DNAJC21: variants seen among roughly 807,000 people sequenced by gnomAD.
The protein encoded by DNAJC21 is DnaJ heat shock protein family (Hsp40) member C21.
Under a neutral mutation model 72.4 loss-of-function variants are expected in DNAJC21, and 63 were observed. The ratio of observed to expected loss-of-function variants is 0.87; its 90% CI spans 0.71 to 1.07. The LOEUF (loss-of-function observed/expected upper bound fraction) is 1.07, where lower values mean the gene tolerates loss of function less well. Among genes scored for constraint, DNAJC21 ranks in the 50% least tolerant of loss-of-function variants. The pLI is 0.00. For synonymous variants in DNAJC21, 203 were observed against 216.7 expected, an observed-to-expected ratio of 0.94 and a Z score of 0.56; for missense variants, 634 against 644.8, an observed-to-expected ratio of 0.98 and a Z score of 0.18.
At chr5:34,937,249 T>C in intron 4 of DNAJC21, 77 bp from the exon 5 acceptor site, 1 of 1,422,816 alleles carries the variant, frequency 7.0e-7, no homozygotes, top group Admixed American at 2.3e-5. Flanking sequence ...AAAAGATGTT[T>C]CGCATCAGTA....
chr5:34,930,252 AGACCTGC>A (rs1240502844), intron 1 of DNAJC21: 1 of 176,384 alleles, frequency 5.7e-6, no homozygotes, highest in African/African-American at 2.4e-5. Context: ...CTCGGAACTC[AGACCTGC>A]CCCAGGCTTG....
intron 1 of DNAJC21, chr5:34,930,458 T>TTC (rs1764552560): frequency 6.6e-6 from 1 of 152,130 alleles, no homozygotes. Context: ...GTTTTTTTTT[T>TTC]CTTTTAATAA....
At chr5:34,941,532 A>G (rs1345960579) in intron 7 of DNAJC21, among the ~76,000 whole-genome samples, 1 of 150,050 alleles carries the variant, frequency 6.7e-6, no homozygotes, top group Non-Finnish European at 1.5e-5. Flanking sequence ...TAAAAGGAGT[A>G]AGTTTAGTAT....
intron 10 of DNAJC21, chr5:34,950,644 AAC>A (rs1409618400): frequency 3.9e-6 from 4 of 1,028,660 alleles, no homozygotes; most frequent in East Asian, 8.7e-5. Context: ...GTGGATCATT[AAC>A]ACTTGACACT....
At chr5:34,932,687 C>T (rs1030034396) in intron 1 of DNAJC21, among the ~76,000 whole-genome samples, 11 of 152,186 alleles carry the variant, frequency 7.2e-5, no homozygotes, top group Non-Finnish European at 1.5e-4. Flanking sequence ...CTCACCAGCT[C>T]ACCAACCACC....
intron 9 of DNAJC21, among the ~76,000 whole-genome samples, chr5:34,947,654 A>ATTTTTTTTTTTTTTTTTTTTTTTT (rs1328671559): frequency 9.7e-6 from 1 of 103,414 alleles, no homozygotes; most frequent in Non-Finnish European, 2.2e-5. Flanking sequence ...AGTTTTCACC[A>ATTTTTTTTTTTTTTTTTTTTTTTT]TGTTTTTTTT....
chr5:34,950,558 G>T (rs1765329527), intron 10 of DNAJC21: 14 of 1,172,890 alleles, frequency 1.2e-5, no homozygotes, highest in Non-Finnish European at 1.4e-5. Context: ...CATCTCAGCA[G>T]CATGGCCAAA....
chr5:34,938,389 A>G (rs948889745), intron 5 of DNAJC21, among the ~76,000 whole-genome samples: 7 of 152,162 alleles, frequency 4.6e-5, no homozygotes, highest in Non-Finnish European at 1.0e-4. Context: ...TGCTTTAGCC[A>G]CCGTGCAGTA....
chr5:34,947,894 G>A (rs532805129), intron 9 of DNAJC21, among the ~76,000 whole-genome samples: 2 of 151,834 alleles, frequency 1.3e-5, no homozygotes, highest in Admixed American at 6.6e-5. Context: ...GCTAGTTATA[G>A]TTCATAATCA....
Position 34,929,729 on chromosome 5 carries a change from C to A in DNAJC21, c.-91C>A. On this transcript the variant is annotated 5_prime_UTR_variant, in exon 1 of 12. The change creates a new upstream start codon in the 5' untranslated region. Transcript: ENST00000648817. ...GGCGGCGGACTCCCGCCGGAGAGGACTGCCAGCGCCGCCGCCGCCGCCGCT... is the reference window on the plus strand; with the variant it reads ...GGCGGCGGACTCCCGCCGGAGAGGAATGCCAGCGCCGCCGCCGCCGCCGCT... 1 of 537,744 alleles carries A rather than the reference C, an allele frequency of 1.9e-6. No individual in the cohort carries two copies. The highest frequency in any genetic ancestry group is 1.5e-4 in the East Asian group (1 of 6,750). The allele number at this position is 537,744 out of a possible 1,614,324, so 33.3% of individuals were successfully genotyped here.
chr5:34,937,791 C>G (rs1390056310), intron 5 of DNAJC21, among the ~76,000 whole-genome samples, 161 bp downstream of exon 5: 1 of 152,058 alleles, frequency 6.6e-6, no homozygotes, highest in Non-Finnish European at 1.5e-5. Context: ...TTTTCATCTA[C>G]TGTGTAAAAA....
rs186236369 is a variant in DNAJC21, at chr5:34,954,367, C to T, written c.1435-186C>T. ...AAGTCTCAGGACCCTTAAAGTTAAT[C>T]GTGTTGATTAGTGGGATTTAACCTC... is the stretch of plus-strand genomic sequence containing the variant. On this transcript the variant is annotated intron_variant, in intron 11 of 11. Transcript: ENST00000648817. 1.3e-3 allele frequency among the ~76,000 whole-genome samples: 203 copies of T among 152,234 alleles called. 2 individuals are homozygous for T. The highest frequency in any genetic ancestry group is 0.011 in the Admixed American group (174 of 15,298).
At position 34,957,467 on chromosome 5, in the gene DNAJC21, CA is replaced by C. The variant is rs1765569008; in HGVS notation, c.*2754del. On this transcript the variant is annotated 3_prime_UTR_variant, in exon 12 of 12. Transcript: ENST00000648817. ...CATTTTTCTAATTCCTGCCTTTGGT[CA>C]CAAAGAAGGAAAAGCAGAGCTGTGA... 1 of 149,500 alleles carries C rather than the reference CA, an allele frequency of 6.7e-6. No individual in the cohort carries two copies. Among genetic ancestry groups the C allele is most frequent in the Non-Finnish European group, 1.5e-5 (1 of 67,702 alleles). The allele number at this position is 149,500 out of a possible 1,614,324, so 9.3% of individuals were successfully genotyped here.
chr5:34,954,533 T>A lies in DNAJC21; in HGVS notation c.1435-20T>A. 2.5e-6 allele frequency: 4 copies of A among 1,583,874 alleles called. No homozygotes were observed. In the East Asian group the frequency reaches 9.1e-5, roughly 36 times the overall value. ...AAGTGATAACGCTTACTTTTATTTATGATTTTTTGCCCTTCTCAGAGTGTT... is the reference window on the plus strand; with the variant it reads ...AAGTGATAACGCTTACTTTTATTTAAGATTTTTTGCCCTTCTCAGAGTGTT... On this transcript the variant is annotated intron_variant, in intron 11 of 11. Coordinates refer to ENST00000648817, the MANE Select transcript of DNAJC21 (RefSeq NM_001012339.3).
chr5:34,949,104 A>G (rs1320188816), intron 9 of DNAJC21, among the ~76,000 whole-genome samples: 1 of 152,196 alleles, frequency 6.6e-6, no homozygotes, highest in Admixed American at 6.5e-5. Flanking sequence ...TATTAATTTA[A>G]AAAGGGAAAA....
chr5:34,936,219 G>A lies in DNAJC21; in HGVS notation c.391G>A (p.Val131Ile), dbSNP rs1764770929. 1 of 1,614,092 alleles carries A rather than the reference G, an allele frequency of 6.2e-7. No individual in the cohort carries two copies. The highest frequency in any genetic ancestry group is 8.5e-7 in the Non-Finnish European group (1 of 1,180,002). ...EELESVLEEE[V>I]DDFPTFGDSQ... ...ACTAGAATCTGTGTTAGAGGAAGAG[G>A]TTGATGATTTCCCAACTTTTGGAGA... The change falls in exon 4 of 12, where the codon GTT (valine) becomes ATT (isoleucine). Residue 131 changes from valine (V) to isoleucine (I), a missense_variant. Transcript: ENST00000648817.
chr5:34,950,444 G>C lies in DNAJC21; in HGVS notation c.1358+102G>C, dbSNP rs1340107277. On this transcript the variant is annotated intron_variant, in intron 10 of 11. Transcript: ENST00000648817. The stretch of plus-strand genomic sequence containing the variant: ...AATCTTCTTTCCCATGACTGACCAG[G>C]TAATTTAGATGTATCTGTACATATT... The C allele has an allele frequency of 1.2e-5, 18 of 1,465,832 alleles. 1 individual carries two copies. The highest frequency in any genetic ancestry group is 1.8e-6 in the Non-Finnish European group (2 of 1,110,598). 90.8% of individuals were successfully genotyped at this position (1,465,832 alleles called of 1,614,324 possible).
chr5:34,945,377 C>G (rs1021916801), intron 8 of DNAJC21, among the ~76,000 whole-genome samples: 9 of 152,134 alleles, frequency 5.9e-5, no homozygotes, highest in South Asian at 2.1e-4. Context: ...TGCGCCCGGC[C>G]TTAAAGGCTG....
chr5:34,942,684 AAC>A (rs1302144924), intron 7 of DNAJC21, among the ~76,000 whole-genome samples: 1 of 152,192 alleles, frequency 6.6e-6, no homozygotes, highest in Non-Finnish European at 1.5e-5. Context: ...CTACACGCTC[AAC>A]ACACACACAG....
Sources: allele counts gnomAD v4.1 joint callset (sites outside exome capture counted in the v4.1 genomes callset), GRCh38; gene constraint gnomAD v4.1.1; transcripts MANE v1.5; gene names NCBI Gene and HGNC (gene_info 2026-07-23, HGNC 2026-07-21).